The following NAGS variants were observed in gnomAD, a reference collection of about 807,000 sequenced individuals.
NAGS encodes N-acetylglutamate synthase, mitochondrial.
A neutral mutation model predicts 46.9 loss-of-function variants in NAGS; 34 were observed. The ratio of observed to expected loss-of-function variants is 0.72; its 90% CI spans 0.55 to 0.97. The LOEUF (loss-of-function observed/expected upper bound fraction) is 0.97. Among genes scored for constraint, NAGS ranks in the 50% least tolerant of loss-of-function variants. The pLI, the probability that NAGS is intolerant of heterozygous loss-of-function variation, is 0.00. For synonymous variants in NAGS, 334 were observed against 346.3 expected (o/e 0.96, Z 0.39); for missense variants, 665 against 747.0 (o/e 0.89, Z 1.28).
rs779359899 is a variant in NAGS at position 44,004,862 on chromosome 17, G to A, written c.199G>A (p.Asp67Asn). 9 of 1,529,564 alleles carry A rather than the reference G, an allele frequency of 5.9e-6. No individual in the cohort carries two copies. The South Asian group carries it at 9.6e-5, about 16-fold the overall frequency. The allele number at this position is 1,529,564 out of a possible 1,614,324, so 94.7% of individuals were successfully genotyped here. Residue 67 changes from aspartate (D) to asparagine (N), a missense_variant, in exon 1 of 7, where the codon GAC (aspartate) becomes AAC (asparagine). Physicochemically the swap from Asp to Asn is conservative, Grantham distance 23 (BLOSUM62 1). Transcript: ENST00000293404. The part of the protein sequence containing the change: ...QPPPEEYAGA[D>N]DVSQSPVAEE... ...CCCGCCCGAGGAGTACGCGGGCGCG[G>A]ACGACGTCTCCCAGTCGCCCGTCGC...
Position 44,008,816 on chromosome 17 carries a change from T to C in NAGS, c.*215T>C, listed in dbSNP as rs2049127168. 11 of 635,090 alleles carry C rather than the reference T, an allele frequency of 1.7e-5. 2 individuals are homozygous for C. The highest frequency in any genetic ancestry group is 1.5e-4 in the African/African-American group (8 of 54,662). The allele number at this position is 635,090 out of a possible 1,614,324, so 39.3% of individuals were successfully genotyped here. A position where few individuals can be genotyped will look rare whatever the true frequency, so the allele number is the denominator to read the frequency against. Reference sequence around the variant, plus strand: ...GACCAGTCTAGGACCCCAACTCGACTCACTCTAAAGCTACAACCAAATGGC... The same window carrying C: ...GACCAGTCTAGGACCCCAACTCGACCCACTCTAAAGCTACAACCAAATGGC... On this transcript the variant is annotated 3_prime_UTR_variant, in exon 7 of 7. Coordinates refer to ENST00000293404, the MANE Select transcript of NAGS (RefSeq NM_153006.3).
In NAGS at chr17:44,007,930, C is replaced by T. The variant is rs576257786; in HGVS notation, c.1451+157C>T. Among the ~76,000 whole-genome samples, 64 of 152,148 alleles carry T rather than the reference C, an allele frequency of 4.2e-4. 1 individual carries two copies. Among genetic ancestry groups the T allele is most frequent in the Non-Finnish European group, 8.1e-4 (55 of 68,014 alleles). On this transcript the variant is annotated intron_variant, in intron 6 of 6. Transcript: ENST00000293404. This position sits in a 1 kb window ranked among gnomAD's most constrained non-coding sequence, Gnocchi z 5.1. ...GAACACACAGAAAGCCTGAGATTTC[C>T]CGAGTTAAAGCATGCTTAACACTCC...
rs1341725332 is a variant in NAGS, at chr17:44,006,205, A to C, written c.883A>C (p.Asn295His). The C allele has an allele frequency of 3.1e-6, 5 of 1,612,928 alleles. No homozygotes were observed. The highest frequency in any genetic ancestry group is 3.4e-6 in the Non-Finnish European group (4 of 1,179,970). ...LRPTKIIFLN[N>H]TGGLRDSSHK... ...GCCCACCAAAATCATCTTCCTCAAT[A>C]ACACAGGCGGCCTGCGCGACAGCAG... The change falls in exon 3 of 7, where the codon AAC becomes CAC. Residue 295 changes from asparagine (N) to histidine (H), a missense_variant. Transcript: ENST00000293404. This position sits in a 1 kb window ranked among gnomAD's most constrained non-coding sequence, Gnocchi z 4.8.
rs760596223 is a variant in NAGS, at chr17:44,006,221, G to T, written c.899G>T (p.Arg300Leu). ...TTCCTCAATAACACAGGCGGCCTGC[G>T]CGACAGCAGTCATAAGGTGCGGCCC... ...IIFLNNTGGLRDSSHKVLSNV... is the reference protein window; with the variant it reads ...IIFLNNTGGLLDSSHKVLSNV... The change falls in exon 3 of 7, where the codon CGC becomes CTC. Residue 300 changes from arginine (R) to leucine (L), a missense_variant. Arg to Leu is a moderately radical substitution (Grantham distance 102, BLOSUM62 -2). Transcript: ENST00000293404. The surrounding 1 kb of genome is among the most constrained non-coding windows in gnomAD (Gnocchi z 4.8). 1 of 1,613,216 alleles carries T rather than the reference G, an allele frequency of 6.2e-7. No individual in the cohort carries two copies. Among genetic ancestry groups the T allele is most frequent in the Non-Finnish European group, 8.5e-7 (1 of 1,180,012 alleles).
chr17:44,007,302 C>T lies in NAGS; in HGVS notation c.1097-21C>T. ...GCAAACGGCCCTCCAGCCAGACTAG[C>T]CCCTCCCCATCCTCCTCCAGGGTCC... On this transcript the variant is annotated intron_variant, in intron 4 of 6. Transcript: ENST00000293404. This position sits in a 1 kb window ranked among gnomAD's most constrained non-coding sequence, Gnocchi z 5.1. 1.9e-6 allele frequency: 3 copies of T among 1,612,814 alleles called. No homozygotes were observed. Among genetic ancestry groups the T allele is most frequent in the Non-Finnish European group, 2.5e-6 (3 of 1,179,498 alleles).
Position 44,007,778 on chromosome 17 carries a change from G to C in NAGS, c.1451+5G>C, listed in dbSNP as rs751413528. On this transcript the variant is annotated splice_donor_5th_base_variant and intron_variant, in intron 6 of 6. Coordinates refer to ENST00000293404, the MANE Select transcript of NAGS (RefSeq NM_153006.3). This position sits in a 1 kb window ranked among gnomAD's most constrained non-coding sequence, Gnocchi z 5.1. ...CACCAACCCCATCAATCCCTGGTAG[G>C]TCCTGCCACTCCCAGCTCTGGGCTG... The C allele has an allele frequency of 1.3e-6, 2 of 1,556,642 alleles. No individual in the cohort carries two copies. The highest frequency in any genetic ancestry group is 1.7e-6 in the Non-Finnish European group (2 of 1,150,434).
chr17:44,006,788 G>A lies in NAGS; in HGVS notation c.1096+79G>A. On this transcript the variant is annotated intron_variant, in intron 4 of 6. Coordinates refer to ENST00000293404, the MANE Select transcript of NAGS (RefSeq NM_153006.3). The surrounding 1 kb of genome is among the most constrained non-coding windows in gnomAD (Gnocchi z 4.8). ...GGCTGGGTGTCTGCGGTCAGGAGGA[G>A]CGGCTTCTCCTCCTGTCCAGGAGCC... 1 of 1,450,312 alleles carries A rather than the reference G, an allele frequency of 6.9e-7. No individual in the cohort carries two copies. The highest frequency in any genetic ancestry group is 9.3e-7 in the Non-Finnish European group (1 of 1,078,830). 89.8% of individuals were successfully genotyped at this position (1,450,312 alleles called of 1,614,324 possible).
Position 44,005,108 on chromosome 17 carries a change from G to C in NAGS, c.426+19G>C, listed in dbSNP as rs368844914. 8 of 1,556,410 alleles carry C rather than the reference G, an allele frequency of 5.1e-6. No individual in the cohort carries two copies. Among genetic ancestry groups the C allele is most frequent in the Non-Finnish European group, 6.9e-6 (8 of 1,154,516 alleles). The stretch of plus-strand genomic sequence containing the variant: ...CATCGAGGTGAGCGGAGCCCGGCGT[G>C]GGCCGTGACGCAGCGAGGGGATGGG... On this transcript the variant is annotated intron_variant, in intron 1 of 6. Coordinates refer to ENST00000293404, the MANE Select transcript of NAGS (RefSeq NM_153006.3). The surrounding 1 kb of genome is among the most constrained non-coding windows in gnomAD (Gnocchi z 7.2).
chr17:44,008,850 T>C lies in NAGS; in HGVS notation c.*249T>C, dbSNP rs1256268127. The C allele has an allele frequency of 1.7e-6, 1 of 575,764 alleles. No homozygotes were observed. The highest frequency in any genetic ancestry group is 3.1e-6 in the Non-Finnish European group (1 of 322,878). 35.7% of individuals were successfully genotyped at this position (575,764 alleles called of 1,614,324 possible). On this transcript the variant is annotated 3_prime_UTR_variant, in exon 7 of 7. Coordinates refer to ENST00000293404, the MANE Select transcript of NAGS (RefSeq NM_153006.3). Reference sequence around the variant, plus strand: ...AGCTACAACCAAATGGCCTTCGATTTTCAACCTGGGGATTAGGGGAGGGGA... The same window carrying C: ...AGCTACAACCAAATGGCCTTCGATTCTCAACCTGGGGATTAGGGGAGGGGA...
Position 44,006,729 on chromosome 17 carries a change from C to A in NAGS, c.1096+20C>A, listed in dbSNP as rs228771. ...ACAAGGGTGAGGGCGGTGGGCGGGC[C>A]GGGGACTGGGTCCCGGGAGTGAGTA... On this transcript the variant is annotated intron_variant, in intron 4 of 6. Coordinates refer to ENST00000293404, the MANE Select transcript of NAGS (RefSeq NM_153006.3). The surrounding 1 kb of genome is among the most constrained non-coding windows in gnomAD (Gnocchi z 4.8). 1.9e-6 allele frequency: 3 copies of A among 1,581,080 alleles called. No individual in the cohort carries two copies. Among genetic ancestry groups the A allele is most frequent in the Non-Finnish European group, 2.6e-6 (3 of 1,159,760 alleles).
rs1434597707 is a variant in NAGS, at chr17:44,008,794, C to T, written c.*193C>T. 1.4e-6 allele frequency: 1 copy of T among 710,092 alleles called. No individual in the cohort carries two copies. The highest frequency in any genetic ancestry group is 2.4e-6 in the Non-Finnish European group (1 of 418,718). The allele number at this position is 710,092 out of a possible 1,614,324, so 44.0% of individuals were successfully genotyped here. Reference sequence around the variant, plus strand: ...GGACAAGCACAGGAAAGAAGGGGACCAGTCTAGGACCCCAACTCGACTCAC... The same window carrying T: ...GGACAAGCACAGGAAAGAAGGGGACTAGTCTAGGACCCCAACTCGACTCAC... On this transcript the variant is annotated 3_prime_UTR_variant, in exon 7 of 7. Transcript: ENST00000293404.
rs1420226872 is a variant in NAGS at position 44,005,372 on chromosome 17, A to G, written c.427-265A>G. Among the ~76,000 whole-genome samples, 2 of 152,186 alleles carry G rather than the reference A, an allele frequency of 1.3e-5. No individual in the cohort carries two copies. The highest frequency in any genetic ancestry group is 2.9e-5 in the Non-Finnish European group (2 of 68,024). On this transcript the variant is annotated intron_variant, in intron 1 of 6. Coordinates refer to ENST00000293404, the MANE Select transcript of NAGS (RefSeq NM_153006.3). The surrounding 1 kb of genome is among the most constrained non-coding windows in gnomAD (Gnocchi z 7.2). ...CAGTTAGGGGTTCAGAAGGACCTGG[A>G]CAGGAGCCGCTTGCACTGCCCCTCC... is the stretch of plus-strand genomic sequence containing the variant.
At position 44,007,649 on chromosome 17, in the gene NAGS, G is replaced by A. The variant is rs913412014; in HGVS notation, c.1327G>A (p.Asp443Asn). The change falls in exon 6 of 7, where the codon GAC becomes AAC. Residue 443 changes from aspartate to asparagine, a missense_variant. By Grantham distance (23) the Asp-to-Asn change is conservative. Coordinates refer to ENST00000293404, the MANE Select transcript of NAGS (RefSeq NM_153006.3). This position sits in a 1 kb window ranked among gnomAD's most constrained non-coding sequence, Gnocchi z 5.1. ...EPVLGGTPYL[D>N]KFVVSSSRQG... is the part of the protein sequence containing the mutation. ...CGTCCTGGGGGGCACCCCGTACCTGGACAAATTTGTGGTGAGCTCCAGCCG... is the reference window on the plus strand; with the variant it reads ...CGTCCTGGGGGGCACCCCGTACCTGAACAAATTTGTGGTGAGCTCCAGCCG... 5 of 1,603,098 alleles carry A rather than the reference G, an allele frequency of 3.1e-6. No homozygotes were observed. The highest frequency in any genetic ancestry group is 4.3e-6 in the Non-Finnish European group (5 of 1,174,800).
chr17:44,005,638 T>G lies in NAGS; in HGVS notation c.428T>G (p.Val143Gly). The G allele has an allele frequency of 6.2e-7, 1 of 1,610,854 alleles. No individual in the cohort carries two copies. The highest frequency in any genetic ancestry group is 8.5e-7 in the Non-Finnish European group (1 of 1,178,996). Residue 143 changes from valine to glycine, a missense_variant and splice_region_variant, in exon 2 of 7, where the codon GTG becomes GGG. Coordinates refer to ENST00000293404, the MANE Select transcript of NAGS (RefSeq NM_153006.3). The surrounding 1 kb of genome is among the most constrained non-coding windows in gnomAD (Gnocchi z 7.2). The part of the protein sequence containing the change: ...SADKPFAVIE[V>G]DEEVLKCQQG... Reference sequence around the variant, plus strand: ...CCTTGAAAGCCCACTCCTCCGCAGGTGGACGAGGAGGTGCTCAAGTGCCAG... The same window carrying G: ...CCTTGAAAGCCCACTCCTCCGCAGGGGGACGAGGAGGTGCTCAAGTGCCAG...
rs1401682271 is a variant in NAGS at position 44,007,090 on chromosome 17, A to C, written c.1097-233A>C. 1.7e-6 allele frequency: 1 copy of C among 595,290 alleles called. No individual in the cohort carries two copies. Among genetic ancestry groups the C allele is most frequent in the Non-Finnish European group, 3.0e-6 (1 of 337,266 alleles). The allele number at this position is 595,290 out of a possible 1,614,324, so 36.9% of individuals were successfully genotyped here. A position where few individuals can be genotyped will look rare whatever the true frequency, so the allele number is the denominator to read the frequency against. On this transcript the variant is annotated intron_variant, in intron 4 of 6. Coordinates refer to ENST00000293404, the MANE Select transcript of NAGS (RefSeq NM_153006.3). The surrounding 1 kb of genome is among the most constrained non-coding windows in gnomAD (Gnocchi z 5.1). ...TCAAGGAGCGAGGCAAGACTAACGG[A>C]AGTGGGTGGGGCTCCAGGCGACAGG...
rs1597866107 is a variant in NAGS, at chr17:44,007,215, T to C, written c.1097-108T>C. 3.1e-6 allele frequency: 3 copies of C among 965,544 alleles called. No homozygotes were observed. Among genetic ancestry groups the C allele is most frequent in the African/African-American group, 1.7e-5 (1 of 60,494 alleles). 59.8% of individuals were successfully genotyped at this position (965,544 alleles called of 1,614,324 possible). A position where few individuals can be genotyped will look rare whatever the true frequency, so the allele number is the denominator to read the frequency against. ...CACTGAAATCATTTCACTGTGGAGGTCTCCCAAAGACGGAAATTGTCCCAC... is the reference window on the plus strand; with the variant it reads ...CACTGAAATCATTTCACTGTGGAGGCCTCCCAAAGACGGAAATTGTCCCAC... On this transcript the variant is annotated intron_variant, in intron 4 of 6. Transcript: ENST00000293404. This position sits in a 1 kb window ranked among gnomAD's most constrained non-coding sequence, Gnocchi z 5.1.
Position 44,005,743 on chromosome 17 carries a change from C to CGGG in NAGS, c.535_536insGGG (p.Pro178_Ala179insGly). On this transcript the variant is annotated inframe_insertion, in exon 2 of 7. Transcript: ENST00000293404. The surrounding 1 kb of genome is among the most constrained non-coding windows in gnomAD (Gnocchi z 7.2). Reference sequence around the variant, plus strand: ...AAGCCGCTGGTGGTCCTGGGGCTGCCGGCCCCTACGGCTCCCTCGGGCTGT... The same window carrying CGGG: ...AAGCCGCTGGTGGTCCTGGGGCTGCCGGGGGCCCCTACGGCTCCCTCGGGCTGT... 6.3e-7 allele frequency: 1 copy of CGGG among 1,591,008 alleles called. No homozygotes were observed. Among genetic ancestry groups the CGGG allele is most frequent in the Non-Finnish European group, 8.6e-7 (1 of 1,169,446 alleles).
Position 44,005,853 on chromosome 17 carries a change from GTGCCA to G in NAGS, c.645_649del (p.Pro216PhefsTer78), listed in dbSNP as rs1482475314. 1.3e-6 allele frequency: 2 copies of G among 1,561,664 alleles called. No homozygotes were observed. Among genetic ancestry groups the G allele is most frequent in the Non-Finnish European group, 8.7e-7 (1 of 1,155,054 alleles). ...GCTTCGACACAACGCCGCCGCTGCT[GTGCCA>G]TTTTTTGGCGGCGGGTCTGTGCTAC... On this transcript the variant is annotated frameshift_variant, in exon 2 of 7. Coordinates refer to ENST00000293404, the MANE Select transcript of NAGS (RefSeq NM_153006.3). LOFTEE classifies it high-confidence loss of function. The surrounding 1 kb of genome is among the most constrained non-coding windows in gnomAD (Gnocchi z 7.2).
chr17:44,007,431 A>T lies in NAGS; in HGVS notation c.1205A>T (p.Lys402Met). 1 of 1,613,910 alleles carries T rather than the reference A, an allele frequency of 6.2e-7. No individual in the cohort carries two copies. The highest frequency in any genetic ancestry group is 8.5e-7 in the Non-Finnish European group (1 of 1,180,000). The change falls in exon 5 of 7, where the codon AAG (lysine) becomes ATG (methionine). Residue 402 changes from lysine (K) to methionine (M), a missense_variant. Lys to Met is a moderately conservative substitution (Grantham distance 95, BLOSUM62 -1). Coordinates refer to ENST00000293404, the MANE Select transcript of NAGS (RefSeq NM_153006.3). This position sits in a 1 kb window ranked among gnomAD's most constrained non-coding sequence, Gnocchi z 5.1. Reference protein sequence around the residue: ...VDLVNASFGKKLRDDYLASLR... With the variant: ...VDLVNASFGKMLRDDYLASLR... ...CTGGTCAACGCCAGCTTCGGCAAGAAGCTCAGGGACGACTACCTGGCCTCG... is the reference window on the plus strand; with the variant it reads ...CTGGTCAACGCCAGCTTCGGCAAGATGCTCAGGGACGACTACCTGGCCTCG...
Sources: allele counts gnomAD v4.1 joint callset (sites outside exome capture counted in the v4.1 genomes callset), GRCh38; gene constraint gnomAD v4.1.1; non-coding constraint Gnocchi (gnomAD v3.1); transcripts MANE v1.5; gene names NCBI Gene and HGNC (gene_info 2026-07-23, HGNC 2026-07-21).